ODAD2: variants seen among roughly 807,000 people sequenced by gnomAD.
ODAD2 encodes outer dynein arm-docking complex subunit 2.
ODAD2 carries 89 observed loss-of-function variants against 106.8 expected under a neutral mutation model. That is an observed-to-expected ratio of 0.83 (90% CI 0.70 to 0.99). ODAD2 has a LOEUF of 0.99. Ranked by LOEUF, ODAD2 falls within the 50% of genes least tolerant of loss-of-function variation. The pLI is 0.00. For synonymous variants in ODAD2, 404 were observed against 436.2 expected, an observed-to-expected ratio of 0.93 and a Z score of 0.92; for missense variants, 1,168 against 1,238.5, an observed-to-expected ratio of 0.94 and a Z score of 0.85.
At chr10:27,945,605 TAA>T (rs1294870343) in intron 10 of ODAD2, among the ~76,000 whole-genome samples, 1 of 151,988 alleles carries the variant, frequency 6.6e-6, no homozygotes. Context: ...TCGCTACATG[TAA>T]AGAGTAGTAG....
At chr10:27,820,777 C>CTTTTTTT (rs72095120) in intron 19 of ODAD2, among the ~76,000 whole-genome samples, 12 of 105,548 alleles carry the variant, frequency 1.1e-4, no homozygotes, top group African/African-American at 4.7e-4. Flanking sequence ...AGCCCAGCAA[C>CTTTTTTT]TTTTTTTTTT....
intron 13 of ODAD2, among the ~76,000 whole-genome samples, chr10:27,940,348 A>G (rs1421651552): frequency 6.6e-6 from 1 of 152,050 alleles, no homozygotes; most frequent in African/African-American, 2.4e-5. Context: ...AAATGTCAGT[A>G]TATATGTGTG....
chr10:27,819,630 C>G (rs538956905), intron 19 of ODAD2, among the ~76,000 whole-genome samples: 3 of 145,244 alleles, frequency 2.1e-5, no homozygotes, highest in Non-Finnish European at 3.0e-5. Flanking sequence ...TGGTCACGTG[C>G]GCCTGTAGTC....
At chr10:27,862,656 ACTAAAC>A in intron 17 of ODAD2, 34 bp from the exon 18 acceptor site, 1 of 1,524,706 alleles carries the variant, frequency 6.6e-7, no homozygotes. Context: ...TGGTATCAAA[ACTAAAC>A]CTACATTTAG....
chr10:27,955,805 T>G (rs761882522), intron 10 of ODAD2, among the ~76,000 whole-genome samples: 14 of 151,106 alleles, frequency 9.3e-5, no homozygotes, highest in Non-Finnish European at 1.8e-4. Context: ...TTAACAAAGG[T>G]TTTCAAGTCT....
At chr10:27,910,762 A>G (rs1843951943) in intron 16 of ODAD2, among the ~76,000 whole-genome samples, 1 of 152,110 alleles carries the variant, frequency 6.6e-6, no homozygotes, top group Admixed American at 6.6e-5. Flanking sequence ...GTCTCAAAAA[A>G]ACAAAAAACA....
Position 27,894,637 on chromosome 10 carries a change from C to T in ODAD2, c.2610+13026G>A, listed in dbSNP as rs1334720. 5.7e-3 allele frequency among the ~76,000 whole-genome samples: 863 copies of T among 151,912 alleles called. 7 individuals carry two copies. The highest frequency in any genetic ancestry group is 0.02 in the African/African-American group (815 of 41,414). On this transcript the variant is annotated intron_variant, in intron 17 of 19. Transcript: ENST00000305242. ...TGTTGCCCAGGCTTGAGTGCAGTGGCGCAATCACGCCTCACTGAAGCCTCA... is the reference window on the plus strand; with the variant it reads ...TGTTGCCCAGGCTTGAGTGCAGTGGTGCAATCACGCCTCACTGAAGCCTCA...
intron 17 of ODAD2, among the ~76,000 whole-genome samples, chr10:27,894,416 T>A (rs1331606766): frequency 6.6e-6 from 1 of 151,974 alleles, no homozygotes; most frequent in Non-Finnish European, 1.5e-5. Flanking sequence ...GATCGTAAAA[T>A]AAACTATTAT....
chr10:27,900,306 C>A (rs1268103724), intron 17 of ODAD2, among the ~76,000 whole-genome samples: 2 of 152,158 alleles, frequency 1.3e-5, no homozygotes, highest in African/African-American at 2.4e-5. Context: ...AAATCCCCAT[C>A]TGAAGGTCAC....
chr10:27,851,052 A>G lies in ODAD2; in HGVS notation c.3021+9573T>C, dbSNP rs577554824. On this transcript the variant is annotated intron_variant, in intron 19 of 19. Coordinates refer to ENST00000305242, the MANE Select transcript of ODAD2 (RefSeq NM_018076.5). ...GTGCCTCTTGAATATTCGGCTCAGTACTGCTTAGCACCTGTATGAGAAGAA... is the reference window on the plus strand; with the variant it reads ...GTGCCTCTTGAATATTCGGCTCAGTGCTGCTTAGCACCTGTATGAGAAGAA... 2.0e-5 allele frequency among the ~76,000 whole-genome samples: 3 copies of G among 152,280 alleles called. No homozygotes were observed. The South Asian group carries it at 6.2e-4, about 32-fold the overall frequency.
intron 17 of ODAD2, among the ~76,000 whole-genome samples, chr10:27,892,079 GT>G (rs1276405344): frequency 6.6e-6 from 1 of 152,112 alleles, no homozygotes; most frequent in Non-Finnish European, 1.5e-5. Context: ...GAAAGAAACA[GT>G]TTTACACTTC....
At chr10:27,897,008 C>T (rs1237746404) in intron 17 of ODAD2, among the ~76,000 whole-genome samples, 1 of 152,120 alleles carries the variant, frequency 6.6e-6, no homozygotes, top group East Asian at 1.9e-4. Flanking sequence ...CCACGACCGC[C>T]TAATTCCTGT....
At chr10:27,952,132 C>A (rs573894256) in intron 10 of ODAD2, among the ~76,000 whole-genome samples, 2 of 126,726 alleles carry the variant, frequency 1.6e-5, no homozygotes, top group Admixed American at 1.6e-4. Context: ...ATTAGTATAA[C>A]AGCTAAAGGA....
chr10:27,847,313 A>G (rs183614490), intron 19 of ODAD2, among the ~76,000 whole-genome samples: 6 of 152,326 alleles, frequency 3.9e-5, no homozygotes, highest in African/African-American at 1.4e-4. Flanking sequence ...ACAGAACCAA[A>G]GACAAAAACC....
chr10:27,918,983 G>T (rs1170569535), intron 16 of ODAD2, among the ~76,000 whole-genome samples: 1 of 150,868 alleles, frequency 6.6e-6, no homozygotes, highest in Non-Finnish European at 1.5e-5. Context: ...ACTAGAAAAA[G>T]TATAATGGAA....
At chr10:27,927,387 GGA>G (rs1021958758) in intron 16 of ODAD2, among the ~76,000 whole-genome samples, 2 of 152,132 alleles carry the variant, frequency 1.3e-5, no homozygotes, top group African/African-American at 4.8e-5. Flanking sequence ...GATTTACATA[GGA>G]GAGAGGGATT....
intron 15 of ODAD2, 91 bp from the exon 16 acceptor site, chr10:27,935,343 A>G (rs558555708): frequency 4.0e-5 from 58 of 1,456,416 alleles, no homozygotes; most frequent in South Asian, 7.7e-5. Context: ...CAACAACCCA[A>G]TGATACAGAT....
At chr10:27,952,418 T>C (rs1008013988) in intron 10 of ODAD2, among the ~76,000 whole-genome samples, 11 of 152,110 alleles carry the variant, frequency 7.2e-5, no homozygotes, top group Admixed American at 7.2e-4. Flanking sequence ...CCTTAAGTTC[T>C]AGGATACATG....
intron 6 of ODAD2, among the ~76,000 whole-genome samples, chr10:27,982,206 A>C (rs1487361050): frequency 6.6e-6 from 1 of 152,174 alleles, no homozygotes; most frequent in Non-Finnish European, 1.5e-5. Flanking sequence ...AACTATATGT[A>C]TATAAATACA....
Sources: allele counts gnomAD v4.1 joint callset (sites outside exome capture counted in the v4.1 genomes callset), GRCh38; gene constraint gnomAD v4.1.1; transcripts MANE v1.5; gene names NCBI Gene and HGNC (gene_info 2026-07-23, HGNC 2026-07-21).